RIPK1: variants seen among roughly 807,000 people sequenced by gnomAD.
The protein encoded by RIPK1 is receptor-interacting serine/threonine-protein kinase 1.
RIPK1 carries 27 observed loss-of-function variants against 62.4 expected under a neutral mutation model. The ratio of observed to expected loss-of-function variants is 0.43; its 90% CI spans 0.32 to 0.60. The LOEUF (loss-of-function observed/expected upper bound fraction) is 0.60. Ranked by LOEUF, RIPK1 falls within the 20% of genes least tolerant of loss-of-function variation. The pLI is 0.07. For missense variants in RIPK1, 735 were observed against 831.0 expected (o/e 0.88, Z 1.42); for synonymous variants, 287 against 303.2 (o/e 0.95, Z 0.55).
At chr6:3,080,254 C>T (rs1294419655) in intron 3 of RIPK1, among the ~76,000 whole-genome samples, 2 of 152,152 alleles carry the variant, frequency 1.3e-5, no homozygotes, top group Non-Finnish European at 2.9e-5. Context: ...TGTTTGTATA[C>T]TGATTTTTTA....
At chr6:3,096,594 C>G (rs1335372618) in intron 7 of RIPK1, among the ~76,000 whole-genome samples, 1 of 123,536 alleles carries the variant, frequency 8.1e-6, no homozygotes, top group Non-Finnish European at 1.6e-5. Context: ...GAGTCTCGCT[C>G]TGTCTCCCAG....
chr6:3,098,601 T>C (rs1760434503), intron 7 of RIPK1, among the ~76,000 whole-genome samples: 1 of 152,214 alleles, frequency 6.6e-6, no homozygotes, highest in Non-Finnish European at 1.5e-5. Context: ...AACCAAATTC[T>C]TTATGGAATT....
intron 9 of RIPK1, among the ~76,000 whole-genome samples, chr6:3,109,903 G>A (rs180936490): frequency 2.0e-4 from 30 of 152,246 alleles, no homozygotes; most frequent in African/African-American, 7.2e-4. Context: ...TTTGTGGCTG[G>A]CTTCATTCAC....
chr6:3,112,162 T>A (rs191247722), intron 10 of RIPK1, among the ~76,000 whole-genome samples: 6,689 of 151,980 alleles, frequency 0.044, 289 homozygotes, highest in African/African-American at 0.1. Context: ...AAAGGAGGGG[T>A]TAGGGTCCAA....
chr6:3,113,406 C>A lies in RIPK1; in HGVS notation c.*67C>A. ...GTGGATAACCCCAGAAAGTTGGCTG[C>A]CTCAGAGCATTCAGAATTCTGTCCT... On this transcript the variant is annotated 3_prime_UTR_variant, in exon 11 of 11. Transcript: ENST00000259808. The surrounding 1 kb of genome is among the most constrained non-coding windows in gnomAD (Gnocchi z 5.0). 1 of 1,476,866 alleles carries A rather than the reference C, an allele frequency of 6.8e-7. No homozygotes were observed. Among genetic ancestry groups the A allele is most frequent in the Non-Finnish European group, 9.2e-7 (1 of 1,089,594 alleles). The allele number at this position is 1,476,866 out of a possible 1,614,324, so 91.5% of individuals were successfully genotyped here.
In RIPK1 at chr6:3,105,492, G is replaced by T; in HGVS notation, c.1017G>T (p.Gln339His). 6.5e-7 allele frequency: 1 copy of T among 1,546,956 alleles called. No individual in the cohort carries two copies. Among genetic ancestry groups the T allele is most frequent in the Non-Finnish European group, 8.7e-7 (1 of 1,151,916 alleles). The change falls in exon 9 of 11, where the codon CAG becomes CAT. Residue 339 changes from glutamine (Q) to histidine (H), a missense_variant. By Grantham distance (24) the Gln-to-His change is conservative. This residue lies in a region of RIPK1 where 671 missense variants were observed against 726.2 expected (regional missense o/e 0.92). Coordinates refer to ENST00000259808, the MANE Select transcript of RIPK1 (RefSeq NM_001354930.2). This position sits in a 1 kb window ranked among gnomAD's most constrained non-coding sequence, Gnocchi z 4.5. The stretch of plus-strand genomic sequence containing the variant: ...ATCATTTCTTCTCAGCCACAGAACA[G>T]CCTGGTTCACTGCACAGTTCCCAGG... ...PSSRSNSATE[Q>H]PGSLHSSQGL...
intron 3 of RIPK1, among the ~76,000 whole-genome samples, chr6:3,078,597 A>T (rs1759218118): frequency 6.6e-6 from 1 of 152,380 alleles, no homozygotes; most frequent in East Asian, 1.9e-4. Flanking sequence ...GACATTAAAT[A>T]TGGATTAATG....
chr6:3,083,313 A>T lies in RIPK1; in HGVS notation c.688A>T (p.Asn230Tyr). The T allele has an allele frequency of 1.2e-6, 2 of 1,610,908 alleles. No homozygotes were observed. The highest frequency in any genetic ancestry group is 2.2e-5 in the South Asian group (2 of 90,936). The change falls in exon 5 of 11, where the codon AAT becomes TAT. Residue 230 changes from asparagine to tyrosine, a missense_variant and splice_region_variant. Transcript: ENST00000259808. The stretch of plus-strand genomic sequence containing the variant: ...ATTTGCAAATAAGGAGCCATATGAA[A>T]GTAAGGCATTACTTACTTTCCACTG... ...AIFANKEPYENAICEQQLIMC... is the reference protein window; with the variant it reads ...AIFANKEPYEYAICEQQLIMC...
At chr6:3,084,220 G>C (rs1328699759) in intron 5 of RIPK1, among the ~76,000 whole-genome samples, 1 of 152,118 alleles carries the variant, frequency 6.6e-6, no homozygotes, top group Non-Finnish European at 1.5e-5. Context: ...CAGCCAAAAT[G>C]GTCGTCCTAA....
chr6:3,067,331 C>G (rs907255330), upstream of RIPK1, among the ~76,000 whole-genome samples: 1 of 152,088 alleles, frequency 6.6e-6, no homozygotes, highest in African/African-American at 2.4e-5. Context: ...AAATGTCTTC[C>G]AGACTCTAAC....
At position 3,085,358 on chromosome 6, in the gene RIPK1, T is replaced by C; in HGVS notation, c.788T>C (p.Leu263Pro). The C allele has an allele frequency of 6.2e-7, 1 of 1,614,208 alleles. No individual in the cohort carries two copies. ...TEYCPREIISLMKLCWEANPE... is the reference protein window; with the variant it reads ...TEYCPREIISPMKLCWEANPE... ...TACTGCCCAAGAGAAATTATCAGTC[T>C]CATGAAGCTCTGCTGGGAAGCGAAT... Residue 263 changes from leucine (L) to proline (P), a missense_variant, in exon 6 of 11, where the codon CTC (leucine) becomes CCC (proline). By Grantham distance (98) the Leu-to-Pro change is moderately conservative. This residue lies in a region of RIPK1 where 671 missense variants were observed against 726.2 expected (regional missense o/e 0.92). Coordinates refer to ENST00000259808, the MANE Select transcript of RIPK1 (RefSeq NM_001354930.2).
intron 8 of RIPK1, among the ~76,000 whole-genome samples, chr6:3,104,858 G>A (rs1760761233): frequency 6.6e-6 from 1 of 152,068 alleles, no homozygotes; most frequent in African/African-American, 2.4e-5. Flanking sequence ...CAGAGCTGCT[G>A]CAGATCTTTT....
intron 2 of RIPK1, among the ~76,000 whole-genome samples, chr6:3,077,253 G>C (rs1759117368): frequency 6.6e-6 from 1 of 152,106 alleles, no homozygotes; most frequent in East Asian, 1.9e-4. Context: ...TAAGTGTGGT[G>C]GGGGGACAAT....
chr6:3,077,055 C>T (rs535210688), intron 2 of RIPK1, 68 bp downstream of exon 2: 21 of 1,457,190 alleles, frequency 1.4e-5, no homozygotes, highest in African/African-American at 8.5e-5. Context: ...GTTGTGGAGC[C>T]GTTGGCTGCT....
chr6:3,100,103 A>C (rs76846552), intron 7 of RIPK1, among the ~76,000 whole-genome samples: 2 of 152,202 alleles, frequency 1.3e-5, no homozygotes, highest in East Asian at 3.8e-4. Context: ...CAATACTTAC[A>C]GTGTGGTCCT....
rs1380195480 is a variant in RIPK1, at chr6:3,105,491, A to G, written c.1016A>G (p.Gln339Arg). 6.5e-7 allele frequency: 1 copy of G among 1,539,028 alleles called. No individual in the cohort carries two copies. The highest frequency in any genetic ancestry group is 8.7e-7 in the Non-Finnish European group (1 of 1,147,100). ...PSSRSNSATE[Q>R]PGSLHSSQGL... ...GATCATTTCTTCTCAGCCACAGAAC[A>G]GCCTGGTTCACTGCACAGTTCCCAG... is the stretch of plus-strand genomic sequence containing the variant. Residue 339 changes from glutamine to arginine, a missense_variant, in exon 9 of 11, where the codon CAG becomes CGG. Coordinates refer to ENST00000259808, the MANE Select transcript of RIPK1 (RefSeq NM_001354930.2). This position sits in a 1 kb window ranked among gnomAD's most constrained non-coding sequence, Gnocchi z 4.5.
upstream of RIPK1, among the ~76,000 whole-genome samples, chr6:3,067,085 A>G (rs2113523506): frequency 5.8e-5 from 3 of 51,992 alleles, no homozygotes; most frequent in African/African-American, 2.1e-4. Context: ...GTGGCTTCAG[A>G]GCTCATTTCT....
intron 1 of RIPK1, among the ~76,000 whole-genome samples, chr6:3,069,175 T>A (rs1246263250): frequency 2.0e-5 from 3 of 152,184 alleles, no homozygotes; most frequent in African/African-American, 7.2e-5. Flanking sequence ...GTGGAGAAGG[T>A]GGGCTCCTAG....
At chr6:3,068,407 G>A, upstream of RIPK1, 1 of 985,496 alleles carries the variant, frequency 1.0e-6, no homozygotes, top group South Asian at 4.7e-5. Flanking sequence ...CAGACCCCGG[G>A]CGCGAGGTCC....
Sources: allele counts gnomAD v4.1 joint callset (sites outside exome capture counted in the v4.1 genomes callset), GRCh38; gene constraint gnomAD v4.1.1; regional missense constraint gnomAD v4.1.1; non-coding constraint Gnocchi (gnomAD v3.1); transcripts MANE v1.5; gene names NCBI Gene and HGNC (gene_info 2026-07-23, HGNC 2026-07-21).